Variants in ZCCHC17 observed in about 807,000 individuals in gnomAD.
ZCCHC17 encodes the protein zinc finger CCHC domain-containing protein 17.
In ZCCHC17, 18 loss-of-function variants were observed where a neutral mutation model predicts 30.6. That is an observed-to-expected ratio of 0.59 (90% confidence interval 0.41 to 0.87). The LOEUF is 0.87. ZCCHC17 is among the 40% of genes least tolerant of loss of function. The pLI is 0.00. For synonymous variants in ZCCHC17, 88 were observed against 92.4 expected (o/e 0.95, Z 0.27); for missense variants, 263 against 284.2 (o/e 0.93, Z 0.54).
chr1:31,337,029 T>A, intron 3 of ZCCHC17, 146 bp from the exon 4 acceptor site: 2 of 635,468 alleles, frequency 3.1e-6, no homozygotes, highest in Non-Finnish European at 5.3e-6. Flanking sequence ...AAAAGCAGTC[T>A]CAATTTGCAG....
chr1:31,316,745 T>C (rs746699750), intron 2 of ZCCHC17, among the ~76,000 whole-genome samples: 8 of 152,184 alleles, frequency 5.3e-5, no homozygotes, highest in Non-Finnish European at 8.8e-5. Flanking sequence ...ATCTGTGTGA[T>C]TGTACTGTTT....
chr1:31,330,084 G>A (rs963828107), intron 3 of ZCCHC17, among the ~76,000 whole-genome samples: 1 of 152,160 alleles, frequency 6.6e-6, no homozygotes, highest in African/African-American at 2.4e-5. Context: ...ATTACCCAAG[G>A]GTAACAGTGA....
intron 2 of ZCCHC17, among the ~76,000 whole-genome samples, chr1:31,315,039 T>C (rs966497685): frequency 1.3e-5 from 2 of 152,222 alleles, no homozygotes; most frequent in Non-Finnish European, 2.9e-5. Context: ...AGTCATTTGT[T>C]GGTACAACTC....
chr1:31,364,042 AAAAG>A lies in ZCCHC17; in HGVS notation c.579_582del (p.Lys193AsnfsTer58), dbSNP rs1416016129. On this transcript the variant is annotated frameshift_variant, in exon 8 of 8. Coordinates refer to ENST00000344147, the MANE Select transcript of ZCCHC17 (RefSeq NM_016505.4). LOFTEE classifies it high-confidence loss of function. Reference sequence around the variant, plus strand: ...AAATTTTCTTTTCAGGAGAAGAAGAAAAAGAAACATAGAGATAGGAAGTCATCTG... The same window carrying A: ...AAATTTTCTTTTCAGGAGAAGAAGAAAAACATAGAGATAGGAAGTCATCTG... 2 of 1,607,388 alleles carry A rather than the reference AAAAG, an allele frequency of 1.2e-6. No individual in the cohort carries two copies. Among genetic ancestry groups the A allele is most frequent in the South Asian group, 1.1e-5 (1 of 90,292 alleles).
At chr1:31,320,808 A>G (rs537845582) in intron 3 of ZCCHC17, among the ~76,000 whole-genome samples, 5 of 152,316 alleles carry the variant, frequency 3.3e-5, no homozygotes, top group African/African-American at 1.2e-4. Flanking sequence ...TGTGAGTGGA[A>G]ATACTGGGTC....
chr1:31,308,075 A>T (rs1190902898), intron 1 of ZCCHC17, among the ~76,000 whole-genome samples: 7 of 152,234 alleles, frequency 4.6e-5, no homozygotes, highest in Non-Finnish European at 8.8e-5. Context: ...TACTGGACAG[A>T]GGGAAAGGAC....
chr1:31,357,447 C>A (rs1235475080), intron 7 of ZCCHC17, among the ~76,000 whole-genome samples: 1 of 152,204 alleles, frequency 6.6e-6, no homozygotes, highest in Non-Finnish European at 1.5e-5. Flanking sequence ...TCTTCCCACA[C>A]ACTATACTCC....
At chr1:31,309,840 C>G (rs1646555956) in intron 1 of ZCCHC17, among the ~76,000 whole-genome samples, 1 of 151,912 alleles carries the variant, frequency 6.6e-6, no homozygotes, top group African/African-American at 2.4e-5. Flanking sequence ...GCCTAATGGC[C>G]TTGGGTAAGT....
intron 1 of ZCCHC17, among the ~76,000 whole-genome samples, chr1:31,301,591 G>C (rs186277025): frequency 6.6e-6 from 1 of 152,172 alleles, no homozygotes; most frequent in South Asian, 2.1e-4. Flanking sequence ...GGGATCTTAG[G>C]AATAATTGAC....
chr1:31,342,838 T>A lies in ZCCHC17; in HGVS notation c.317+3790T>A, dbSNP rs1328859914. Among the ~76,000 whole-genome samples the A allele has an allele frequency of 2.0e-5, 3 of 152,104 alleles. No homozygotes were observed. The East Asian group carries it at 5.8e-4, about 29-fold the overall frequency. ...GCCTTGATGGTCAGAGAATAGGTGGTATTTGAGTTAGGTTTTGAAGAACAG... is the reference window on the plus strand; with the variant it reads ...GCCTTGATGGTCAGAGAATAGGTGGAATTTGAGTTAGGTTTTGAAGAACAG... On this transcript the variant is annotated intron_variant, in intron 5 of 7. Transcript: ENST00000344147.
chr1:31,334,321 CTCTCTCTCTCTCTCTCTGTG>C (rs1346003057), intron 3 of ZCCHC17, among the ~76,000 whole-genome samples: 8 of 58,750 alleles, frequency 1.4e-4, no homozygotes, highest in African/African-American at 5.1e-4. Context: ...CTCTCTCTCT[CTCTCTCTCTCTCTCTCTGTG>C]TGTGTGTGTG....
chr1:31,323,683 T>TC (rs1364577053), intron 3 of ZCCHC17, among the ~76,000 whole-genome samples: 6 of 152,144 alleles, frequency 3.9e-5, no homozygotes, highest in African/African-American at 1.4e-4. Context: ...AAATTTTTTT[T>TC]CACATAGGGC....
At chr1:31,320,746 A>G (rs1363491311) in intron 3 of ZCCHC17, among the ~76,000 whole-genome samples, 1 of 152,164 alleles carries the variant, frequency 6.6e-6, no homozygotes, top group Admixed American at 6.5e-5. Context: ...GTTGCTATAA[A>G]TATTTGTGTA....
Position 31,311,645 on chromosome 1 carries a change from G to A in ZCCHC17, c.66+1481G>A, listed in dbSNP as rs1569767745. ...ATCCTCTGGAGGGAAGAAATGCTGT[G>A]TCCTCACATGACGGAAGGGACAGAA... On this transcript the variant is annotated intron_variant, in intron 2 of 7. Transcript: ENST00000344147. Among the ~76,000 whole-genome samples, 3 of 152,308 alleles carry A rather than the reference G, an allele frequency of 2.0e-5. No homozygotes were observed. The East Asian group carries it at 5.8e-4, about 29-fold the overall frequency.
At chr1:31,328,584 G>A (rs1007594700) in intron 3 of ZCCHC17, among the ~76,000 whole-genome samples, 3 of 152,014 alleles carry the variant, frequency 2.0e-5, no homozygotes, top group African/African-American at 7.3e-5. Context: ...AGTATGTATA[G>A]GATTCAGTAC....
chr1:31,319,088 T>C, intron 2 of ZCCHC17, 21 bp from the exon 3 acceptor site: 1 of 1,600,118 alleles, frequency 6.2e-7, no homozygotes, highest in Non-Finnish European at 8.5e-7. Flanking sequence ...TGACATTGAT[T>C]TTTTTCCCCC....
intron 1 of ZCCHC17, among the ~76,000 whole-genome samples, chr1:31,298,386 T>G (rs6679700): frequency 4.2e-5 from 6 of 141,414 alleles, no homozygotes; most frequent in South Asian, 2.2e-4. Context: ...AGTTTTTTTT[T>G]GTTTTTTTTT....
intron 1 of ZCCHC17, among the ~76,000 whole-genome samples, chr1:31,302,720 G>A (rs916600948): frequency 3.3e-5 from 5 of 152,198 alleles, no homozygotes; most frequent in Admixed American, 2.0e-4. Context: ...GGCAGAAGGT[G>A]AAGGGGAAGC....
intron 1 of ZCCHC17, 25 bp downstream of exon 1, chr1:31,297,100 G>A (rs1646180292): frequency 2.4e-6 from 1 of 418,914 alleles, no homozygotes; most frequent in Non-Finnish European, 4.2e-6. Context: ...GAACGGGGTG[G>A]GTGGCTGCCT....
Sources: allele counts gnomAD v4.1 joint callset (sites outside exome capture counted in the v4.1 genomes callset), GRCh38; gene constraint gnomAD v4.1.1; transcripts MANE v1.5; gene names NCBI Gene and HGNC (gene_info 2026-07-23, HGNC 2026-07-21).